Variants in DDAH1 observed in about 807,000 individuals in gnomAD.
DDAH1 encodes the protein N(G),N(G)-dimethylarginine dimethylaminohydrolase 1.
In DDAH1, 19 loss-of-function variants were observed where a neutral mutation model predicts 28.8. The observed-to-expected ratio is 0.66, with a 90% confidence interval of 0.46 to 0.97. DDAH1 has a LOEUF of 0.97. Ranked by LOEUF, DDAH1 falls within the 50% of genes least tolerant of loss-of-function variation. The pLI is 0.00. For synonymous variants in DDAH1, 153 were observed against 154.4 expected, an observed-to-expected ratio of 0.99 and a Z score of 0.07; for missense variants, 326 against 375.9, an observed-to-expected ratio of 0.87 and a Z score of 1.10.
chr1:85,566,329 A>G (rs1022229420), intron 1 of DDAH1, among the ~76,000 whole-genome samples: 5 of 151,512 alleles, frequency 3.3e-5, no homozygotes, highest in Non-Finnish European at 7.4e-5. Context: ...GTGAGAGCTC[A>G]TTTCTACAAA....
intron 1 of DDAH1, among the ~76,000 whole-genome samples, chr1:85,573,514 G>A (rs1255356082): frequency 2.0e-5 from 3 of 152,302 alleles, no homozygotes; most frequent in East Asian, 3.9e-4. Context: ...ATGTTTCTGT[G>A]TTATCACAAA....
At chr1:85,351,088 G>T (rs1342764464) in intron 3 of DDAH1, among the ~76,000 whole-genome samples, 3 of 149,586 alleles carry the variant, frequency 2.0e-5, no homozygotes, top group East Asian at 3.9e-4. Flanking sequence ...TAGAAACAGG[G>T]TCTCACCATG....
At chr1:85,390,893 C>T (rs1523998) in intron 1 of DDAH1, among the ~76,000 whole-genome samples, 6,077 of 152,194 alleles carry the variant, frequency 0.04, 217 homozygotes, top group South Asian at 0.18. Context: ...ATAATGGCTA[C>T]TATGCAGAAT....
At chr1:85,553,743 T>A (rs558385093) in intron 1 of DDAH1, among the ~76,000 whole-genome samples, 63 of 152,314 alleles carry the variant, frequency 4.1e-4, no homozygotes, top group Admixed American at 6.5e-4. Context: ...CTGTCAGCAA[T>A]ATTGGTGGTA....
intron 1 of DDAH1, among the ~76,000 whole-genome samples, chr1:85,425,251 T>TTTA (rs1364384928): frequency 6.6e-6 from 1 of 152,126 alleles, no homozygotes; most frequent in Non-Finnish European, 1.5e-5. Flanking sequence ...CACTTCTTTT[T>TTTA]TTATTTTTCT....
At chr1:85,395,285 A>AT (rs938759778) in intron 1 of DDAH1, among the ~76,000 whole-genome samples, 13 of 152,216 alleles carry the variant, frequency 8.5e-5, no homozygotes, top group African/African-American at 3.1e-4. Flanking sequence ...AAACAGACTA[A>AT]TTTTTTTGAA....
intron 1 of DDAH1, among the ~76,000 whole-genome samples, chr1:85,461,518 G>A (rs1375037950): frequency 6.6e-6 from 1 of 152,160 alleles, no homozygotes; most frequent in Non-Finnish European, 1.5e-5. Context: ...GGCAGGGACA[G>A]GGAAAGGGAG....
intron 1 of DDAH1, among the ~76,000 whole-genome samples, chr1:85,422,078 ATT>A (rs1653167768): frequency 7.2e-6 from 1 of 138,950 alleles, no homozygotes. Context: ...AGCGATTGAT[ATT>A]GTCAGTTTTT....
intron 1 of DDAH1, among the ~76,000 whole-genome samples, chr1:85,546,190 G>T (rs751196448): frequency 6.6e-6 from 1 of 151,878 alleles, no homozygotes; most frequent in African/African-American, 2.4e-5. Context: ...TTAAGAAGTG[G>T]GACCTTTAAG....
At chr1:85,356,437 C>A (rs1649490509) in intron 2 of DDAH1, among the ~76,000 whole-genome samples, 1 of 152,206 alleles carries the variant, frequency 6.6e-6, no homozygotes, top group Non-Finnish European at 1.5e-5. Flanking sequence ...TATTTCTTAT[C>A]TAACTCTTCC....
At chr1:85,404,729 G>A (rs1011854580) in intron 1 of DDAH1, among the ~76,000 whole-genome samples, 4 of 152,146 alleles carry the variant, frequency 2.6e-5, no homozygotes, top group Admixed American at 2.0e-4. Flanking sequence ...GAAAGTGAGG[G>A]AAATTCTCTG....
At chr1:85,478,555 T>G (rs1047742102) in intron 2 of DDAH1, among the ~76,000 whole-genome samples, 6 of 151,596 alleles carry the variant, frequency 4.0e-5, no homozygotes, top group African/African-American at 1.4e-4. Context: ...ACTTATTCAC[T>G]AACAGAATAG....
chr1:85,343,016 G>A (rs1648602367), intron 4 of DDAH1, among the ~76,000 whole-genome samples: 1 of 152,176 alleles, frequency 6.6e-6, no homozygotes, highest in African/African-American at 2.4e-5. Flanking sequence ...AGAGTCTTGG[G>A]TTGAAAGGCC....
At chr1:85,339,818 G>A (rs900723132) in intron 4 of DDAH1, among the ~76,000 whole-genome samples, 1 of 152,112 alleles carries the variant, frequency 6.6e-6, no homozygotes, top group African/African-American at 2.4e-5. Context: ...CAGAGAAACA[G>A]TAACCCAAAA....
chr1:85,357,219 T>A (rs1469248610), intron 2 of DDAH1, among the ~76,000 whole-genome samples: 3 of 152,158 alleles, frequency 2.0e-5, no homozygotes, highest in Non-Finnish European at 4.4e-5. Context: ...GAATGCAGCG[T>A]AGGCCTTCTT....
chr1:85,404,338 G>C, intron 1 of DDAH1: 1 of 1,527,458 alleles, frequency 6.5e-7, no homozygotes, highest in Non-Finnish European at 8.8e-7. Flanking sequence ...AAGCCTGAAA[G>C]ACCACATTCT....
chr1:85,559,811 A>C (rs1388126576), intron 1 of DDAH1, among the ~76,000 whole-genome samples: 1 of 152,068 alleles, frequency 6.6e-6, no homozygotes, highest in East Asian at 1.9e-4. Context: ...AGACTGAAAA[A>C]AAAAAAATGA....
At chr1:85,383,147 T>G (rs12047422) in intron 1 of DDAH1, among the ~76,000 whole-genome samples, 45,725 of 152,176 alleles carry the variant, frequency 0.3, 7,634 homozygotes, top group South Asian at 0.41. Flanking sequence ...CTGATGAATC[T>G]GGGCAAAATA....
chr1:85,456,909 G>C (rs141605150), intron 1 of DDAH1, among the ~76,000 whole-genome samples: 1 of 152,102 alleles, frequency 6.6e-6, no homozygotes, highest in Admixed American at 6.5e-5. Context: ...CTCAGGAAAT[G>C]TTTAAGTTTC....
Sources: gnomAD v4.1 joint callset for allele counts (sites outside exome capture counted in the v4.1 genomes callset) on GRCh38, gnomAD v4.1.1 for gene constraint, MANE v1.5 for transcripts, NCBI Gene and HGNC (gene_info 2026-07-23, HGNC 2026-07-21) for gene names.